The following PIEZO2 variants were observed in gnomAD, a reference collection of about 807,000 sequenced individuals.
PIEZO2 encodes the protein piezo-type mechanosensitive ion channel component 2.
PIEZO2 carries 172 observed loss-of-function variants against 337.3 expected under a neutral mutation model. That is an observed-to-expected ratio of 0.51 (90% CI 0.45 to 0.58). The LOEUF (loss-of-function observed/expected upper bound fraction) is 0.58. Among genes scored for constraint, PIEZO2 ranks in the 20% least tolerant of loss-of-function variants. The pLI, the probability that PIEZO2 is intolerant of heterozygous loss-of-function variation, is 0.00. For synonymous variants in PIEZO2, 1,251 were observed against 1,228.5 expected (o/e 1.02, Z -0.38); for missense variants, 3,028 against 3,391.3 (o/e 0.89, Z 2.66).
intron 2 of PIEZO2, among the ~76,000 whole-genome samples, chr18:11,018,222 T>TGGTGGTG (rs755689140): frequency 1.5e-5 from 1 of 67,384 alleles, no homozygotes; most frequent in African/African-American, 5.4e-5. Flanking sequence ...GTGGTGGTGG[T>TGGTGGTG]GTGTGTGTGT....
At chr18:11,091,121 C>A (rs959862856) in intron 1 of PIEZO2, among the ~76,000 whole-genome samples, 5 of 151,918 alleles carry the variant, frequency 3.3e-5, no homozygotes, top group African/African-American at 1.2e-4. Flanking sequence ...CGCAGTGGCT[C>A]ATGCCTGTAA....
intron 5 of PIEZO2, among the ~76,000 whole-genome samples, chr18:10,868,911 A>G (rs1193197618): frequency 1.3e-5 from 2 of 152,358 alleles, no homozygotes; most frequent in East Asian, 3.9e-4. Context: ...TTATTTTTAT[A>G]AGAAGCTTTG....
At position 10,837,391 on chromosome 18, in the gene PIEZO2, T is replaced by C. The variant is rs1290617760; in HGVS notation, c.917+17962A>G. Among the ~76,000 whole-genome samples, 2 of 152,182 alleles carry C rather than the reference T, an allele frequency of 1.3e-5. No individual in the cohort carries two copies. The highest frequency in any genetic ancestry group is 2.9e-5 in the Non-Finnish European group (2 of 68,030). On this transcript the variant is annotated intron_variant, in intron 7 of 55. Transcript: ENST00000674853. This position sits in a 1 kb window ranked among gnomAD's most constrained non-coding sequence, Gnocchi z 4.4. Reference sequence around the variant, plus strand: ...CTGCAGCCATCTTGCCTCTCTCACCTTCCATACCACAGTGCTGATCCAGGT... The same window carrying C: ...CTGCAGCCATCTTGCCTCTCTCACCCTCCATACCACAGTGCTGATCCAGGT...
chr18:11,103,728 G>A (rs1350378929), intron 1 of PIEZO2, among the ~76,000 whole-genome samples: 3 of 152,090 alleles, frequency 2.0e-5, no homozygotes, highest in African/African-American at 7.2e-5. Context: ...AAAGCAAAGT[G>A]TAAGTTTCAA....
In PIEZO2 at chr18:10,781,298, C is replaced by T. The variant is rs553171179; in HGVS notation, c.2493-932G>A. Among the ~76,000 whole-genome samples the T allele has an allele frequency of 7.2e-4, 109 of 151,714 alleles. No homozygotes were observed. Among genetic ancestry groups the T allele is most frequent in the African/African-American group, 2.1e-3 (86 of 41,318 alleles). ...AGCCTGGCCAATATGGTGAAACCCCCGTCTCTATTAAAAATAGAAAAATTA... is the reference window on the plus strand; with the variant it reads ...AGCCTGGCCAATATGGTGAAACCCCTGTCTCTATTAAAAATAGAAAAATTA... On this transcript the variant is annotated intron_variant, in intron 17 of 55. Transcript: ENST00000674853. This position sits in a 1 kb window ranked among gnomAD's most constrained non-coding sequence, Gnocchi z 4.1.
At position 10,726,444 on chromosome 18, in the gene PIEZO2, C is replaced by G; in HGVS notation, c.5029+4963G>C. ...GGAGGGCCGGCTGCGGTACGGGCTACGGCCGGCGAACCCCACGAGGAGGGC... is the reference window on the plus strand; with the variant it reads ...GGAGGGCCGGCTGCGGTACGGGCTAGGGCCGGCGAACCCCACGAGGAGGGC... On this transcript the variant is annotated intron_variant, in intron 36 of 55. Transcript: ENST00000674853. This position sits in a 1 kb window ranked among gnomAD's most constrained non-coding sequence, Gnocchi z 5.9. 1 of 1,529,700 alleles carries G rather than the reference C, an allele frequency of 6.5e-7. No individual in the cohort carries two copies. The highest frequency in any genetic ancestry group is 1.2e-5 in the South Asian group (1 of 83,200). The allele number at this position is 1,529,700 out of a possible 1,614,324, so 94.8% of individuals were successfully genotyped here.
intron 3 of PIEZO2, among the ~76,000 whole-genome samples, chr18:10,978,335 C>CAA (rs1272591644): frequency 7.3e-6 from 1 of 136,880 alleles, no homozygotes; most frequent in African/African-American, 2.7e-5. Flanking sequence ...GACTCCATCT[C>CAA]AAAAAAAAAA....
intron 20 of PIEZO2, among the ~76,000 whole-genome samples, chr18:10,770,954 C>T (rs571765320): frequency 1.1e-4 from 17 of 152,174 alleles, no homozygotes; most frequent in Middle Eastern, 6.8e-3. Context: ...TGGTCTTGAA[C>T]TCTTGGCCTC....
chr18:10,821,800 T>G lies in PIEZO2; in HGVS notation c.918-14526A>C, dbSNP rs1317450442. Among the ~76,000 whole-genome samples the G allele has an allele frequency of 1.3e-5, 2 of 152,234 alleles. No individual in the cohort carries two copies. The highest frequency in any genetic ancestry group is 4.8e-5 in the African/African-American group (2 of 41,472). ...CCTCTTTCAACTTCTTCCACACTTTTGTCTTTCTTGAATTCTTAGCAGAGA... is the reference window on the plus strand; with the variant it reads ...CCTCTTTCAACTTCTTCCACACTTTGGTCTTTCTTGAATTCTTAGCAGAGA... On this transcript the variant is annotated intron_variant, in intron 7 of 55. Transcript: ENST00000674853. The surrounding 1 kb of genome is among the most constrained non-coding windows in gnomAD (Gnocchi z 4.2).
intron 2 of PIEZO2, among the ~76,000 whole-genome samples, chr18:11,060,906 T>A (rs1268854813): frequency 6.6e-6 from 1 of 152,336 alleles, no homozygotes; most frequent in South Asian, 2.1e-4. Flanking sequence ...ACTCATTTTA[T>A]GAGGCCAGCA....
intron 42 of PIEZO2, among the ~76,000 whole-genome samples, chr18:10,703,864 C>T (rs182320764): frequency 3.0e-4 from 45 of 152,144 alleles, no homozygotes; most frequent in African/African-American, 8.7e-4. Flanking sequence ...TTTTGTGTTG[C>T]GACGTATGGA....
At chr18:10,817,517 T>C (rs766914130) in intron 7 of PIEZO2, among the ~76,000 whole-genome samples, 100 of 152,196 alleles carry the variant, frequency 6.6e-4, no homozygotes, top group Non-Finnish European at 1.2e-3. Context: ...TTATAGACCA[T>C]ATTTTTACAC....
In PIEZO2 at chr18:11,099,528, A is replaced by T. The variant is rs1262119700; in HGVS notation, c.65-33306T>A. Among the ~76,000 whole-genome samples, 1 of 152,178 alleles carries T rather than the reference A, an allele frequency of 6.6e-6. No individual in the cohort carries two copies. The highest frequency in any genetic ancestry group is 2.4e-5 in the African/African-American group (1 of 41,440). On this transcript the variant is annotated intron_variant, in intron 1 of 55. Transcript: ENST00000674853. The surrounding 1 kb of genome is among the most constrained non-coding windows in gnomAD (Gnocchi z 5.4). ...GTCGCCCAGGTTGGTATGCAATGGCATGATCTCGGCTCACTGCAACCTCTG... is the reference window on the plus strand; with the variant it reads ...GTCGCCCAGGTTGGTATGCAATGGCTTGATCTCGGCTCACTGCAACCTCTG...
chr18:11,018,851 T>C (rs1255793818), intron 2 of PIEZO2, among the ~76,000 whole-genome samples: 2 of 152,208 alleles, frequency 1.3e-5, no homozygotes, highest in Non-Finnish European at 2.9e-5. Flanking sequence ...CCATAACAGA[T>C]ATCTCAACCA....
At chr18:10,998,212 A>G (rs1215846896) in intron 2 of PIEZO2, among the ~76,000 whole-genome samples, 2 of 152,154 alleles carry the variant, frequency 1.3e-5, no homozygotes, top group Non-Finnish European at 2.9e-5. Context: ...AGGAAGGAAA[A>G]TTAACCTGCT....
At chr18:11,086,364 C>A (rs376764736) in intron 1 of PIEZO2, among the ~76,000 whole-genome samples, 1 of 151,728 alleles carries the variant, frequency 6.6e-6, no homozygotes, top group Admixed American at 6.6e-5. Context: ...ACTAAAAATA[C>A]AAAAAATTAG....
chr18:11,141,161 CAAG>C (rs1350016805), intron 1 of PIEZO2, among the ~76,000 whole-genome samples: 1 of 152,184 alleles, frequency 6.6e-6, no homozygotes, highest in Non-Finnish European at 1.5e-5. Flanking sequence ...AAACAGAACT[CAAG>C]AAGAACAGAA....
intron 4 of PIEZO2, among the ~76,000 whole-genome samples, chr18:10,892,816 C>G (rs2042794298): frequency 6.6e-6 from 1 of 152,182 alleles, no homozygotes; most frequent in Admixed American, 6.5e-5. Context: ...CAAAATCTAA[C>G]AAGTACTTCA....
intron 5 of PIEZO2, among the ~76,000 whole-genome samples, chr18:10,858,174 AGCTGAGTGTGGTG>A (rs1471336395): frequency 6.6e-6 from 1 of 151,472 alleles, no homozygotes; most frequent in African/African-American, 2.4e-5. Flanking sequence ...ACAAAAAATT[AGCTGAGTGTGGTG>A]GCACGTGCCT....
Sources: gnomAD v4.1 joint callset for allele counts (sites outside exome capture counted in the v4.1 genomes callset) on GRCh38, gnomAD v4.1.1 for gene constraint, Gnocchi (gnomAD v3.1) non-coding constraint, MANE v1.5 for transcripts, NCBI Gene and HGNC (gene_info 2026-07-23, HGNC 2026-07-21) for gene names.